VPS13B: variants seen among roughly 807,000 people sequenced by gnomAD.
The protein encoded by VPS13B is intermembrane lipid transfer protein VPS13B.
A neutral mutation model predicts 426.4 loss-of-function variants in VPS13B; 285 were observed. The ratio of observed to expected loss-of-function variants is 0.67; its 90% CI spans 0.61 to 0.74. The LOEUF (loss-of-function observed/expected upper bound fraction) is 0.74. VPS13B is among the 30% of genes least tolerant of loss of function. The probability of loss-of-function intolerance (pLI) is 0.00; values close to 1 mark genes in which losing one functional copy is unlikely to be tolerated. For synonymous variants in VPS13B, 1,676 were observed against 1,676.4 expected, an observed-to-expected ratio of 1.00 and a Z score of 0.01; for missense variants, 4,537 against 4,782.6, an observed-to-expected ratio of 0.95 and a Z score of 1.51.
chr8:99,576,680 AC>A (rs1825790629), intron 32 of VPS13B, among the ~76,000 whole-genome samples: 1 of 152,158 alleles, frequency 6.6e-6, no homozygotes, highest in South Asian at 2.1e-4. Context: ...GTCCACATGC[AC>A]ATCATGACAA....
At chr8:99,501,976 T>TA in intron 26 of VPS13B, 118 bp downstream of exon 26, 1 of 1,203,530 alleles carries the variant, frequency 8.3e-7, no homozygotes, top group South Asian at 1.3e-5. Context: ...TGTCTGTCTT[T>TA]CCGTCTGTCT....
At chr8:99,467,769 G>A in intron 24 of VPS13B, 135 bp downstream of exon 24, 1 of 935,634 alleles carries the variant, frequency 1.1e-6, no homozygotes, top group Non-Finnish European at 1.6e-6. Flanking sequence ...GATCAGGGTG[G>A]TTAGATTAAG....
Position 99,147,983 on chromosome 8 carries a change from T to C in VPS13B, c.1986T>C (p.His662=). Residue 662 remains histidine (H), a synonymous_variant, in exon 14 of 62, where the codon CAT becomes CAC. Coordinates refer to ENST00000357162, the MANE Select transcript of VPS13B (RefSeq NM_152564.5). ...TGGCTGAATTCAACTTGCTGGACCA[T>C]TTACTACCTGTCATTATGGGAGAAA... ...ISMAEFNLLD[H]LLPVIMGEKN... The C allele has an allele frequency of 6.2e-7, 1 of 1,613,546 alleles. No homozygotes were observed. The highest frequency in any genetic ancestry group is 8.5e-7 in the Non-Finnish European group (1 of 1,179,686).
intron 19 of VPS13B, among the ~76,000 whole-genome samples, chr8:99,337,963 T>C (rs1811019795): frequency 6.6e-6 from 1 of 152,156 alleles, no homozygotes; most frequent in Non-Finnish European, 1.5e-5. Context: ...GAAAAGACTT[T>C]CCCCATTCAG....
intron 2 of VPS13B, among the ~76,000 whole-genome samples, chr8:99,032,515 C>G (rs1489442905): frequency 6.7e-6 from 1 of 148,198 alleles, no homozygotes; most frequent in Non-Finnish European, 1.5e-5. Flanking sequence ...TTTTGAATTA[C>G]TTTCTTTCTT....
At chr8:99,776,668 T>C (rs904869828) in intron 40 of VPS13B, 107 bp from the exon 41 acceptor site, 1 of 1,012,110 alleles carries the variant, frequency 9.9e-7, no homozygotes, top group Non-Finnish European at 1.5e-6. Context: ...ATATTGACTA[T>C]AGGATTTTCA....
At chr8:99,140,573 T>TTGC (rs10531362) in intron 12 of VPS13B, among the ~76,000 whole-genome samples, 1 of 149,942 alleles carries the variant, frequency 6.7e-6, no homozygotes, top group Non-Finnish European at 1.5e-5. Flanking sequence ...TCCTTTCTTC[T>TTGC]TGCTGCTGCT....
At chr8:99,475,964 A>G (rs958025792) in intron 24 of VPS13B, among the ~76,000 whole-genome samples, 9 of 152,254 alleles carry the variant, frequency 5.9e-5, no homozygotes, top group South Asian at 2.1e-4. Context: ...GAGTTACTCA[A>G]TAAATCCTCA....
At chr8:99,124,551 T>C (rs1848098494) in intron 8 of VPS13B, among the ~76,000 whole-genome samples, 1 of 152,022 alleles carries the variant, frequency 6.6e-6, no homozygotes, top group Admixed American at 6.6e-5. Context: ...AATAAACAAA[T>C]TGTGGTATAT....
chr8:99,204,583 T>C (rs1315495379), intron 17 of VPS13B, among the ~76,000 whole-genome samples: 3 of 152,118 alleles, frequency 2.0e-5, no homozygotes, highest in Non-Finnish European at 4.4e-5. Context: ...ATCTACAGAA[T>C]GGGAGAAAAT....
At position 99,240,366 on chromosome 8, in the gene VPS13B, A is replaced by G. The variant is rs531192751; in HGVS notation, c.2516-33832A>G. Among the ~76,000 whole-genome samples the G allele has an allele frequency of 7.2e-5, 11 of 152,310 alleles. No individual in the cohort carries two copies. The South Asian group carries it at 2.3e-3, about 32-fold the overall frequency. The stretch of plus-strand genomic sequence containing the variant: ...TAGCCATTTAATAATGTACTTGAGA[A>G]CTAAATATTTTAATAGTATTTCCTT... On this transcript the variant is annotated intron_variant, in intron 17 of 61. Coordinates refer to ENST00000357162, the MANE Select transcript of VPS13B (RefSeq NM_152564.5).
chr8:99,818,376 T>C, intron 45 of VPS13B, 75 bp from the exon 46 acceptor site: 2 of 1,373,718 alleles, frequency 1.5e-6, no homozygotes, highest in Non-Finnish European at 2.1e-6. Context: ...TCCAAACTGA[T>C]GTATCTGTGC....
intron 3 of VPS13B, among the ~76,000 whole-genome samples, 174 bp downstream of exon 3, chr8:99,038,740 G>A (rs547325427): frequency 8.0e-4 from 106 of 132,282 alleles, no homozygotes; most frequent in Middle Eastern, 4.8e-3. Context: ...AGGCTGGAGT[G>A]CAGTGGTGCG....
chr8:99,500,351 A>C (rs950048337), intron 25 of VPS13B, among the ~76,000 whole-genome samples: 1 of 152,174 alleles, frequency 6.6e-6, no homozygotes, highest in Non-Finnish European at 1.5e-5. Flanking sequence ...TGAGAATTCT[A>C]TAAGAATGTG....
intron 35 of VPS13B, among the ~76,000 whole-genome samples, chr8:99,683,929 G>A (rs563384167): frequency 6.6e-6 from 1 of 152,244 alleles, no homozygotes; most frequent in Admixed American, 6.5e-5. Context: ...GTTCTTAGGG[G>A]GAAAGCATTC....
chr8:99,344,305 T>C (rs898887127), intron 19 of VPS13B, among the ~76,000 whole-genome samples: 1 of 152,140 alleles, frequency 6.6e-6, no homozygotes, highest in African/African-American at 2.4e-5. Flanking sequence ...AAAAATCAAG[T>C]CAAAAATGGA....
At chr8:99,518,304 C>T (rs1822196025) in intron 29 of VPS13B, among the ~76,000 whole-genome samples, 1 of 152,126 alleles carries the variant, frequency 6.6e-6, no homozygotes, top group South Asian at 2.1e-4. Context: ...AGGACTGCTG[C>T]TTAATCAGAG....
chr8:99,303,289 C>T (rs922373023), intron 19 of VPS13B, among the ~76,000 whole-genome samples: 1 of 106,972 alleles, frequency 9.3e-6, no homozygotes, highest in Non-Finnish European at 2.0e-5. Flanking sequence ...AGGAAAACAA[C>T]TAGTTGAGAA....
intron 33 of VPS13B, among the ~76,000 whole-genome samples, chr8:99,601,881 A>G (rs992002134): frequency 3.9e-5 from 6 of 152,190 alleles, no homozygotes; most frequent in African/African-American, 1.4e-4. Context: ...AGTTCTTTGT[A>G]GATTCTAGAT....
Sources: gnomAD v4.1 joint callset for allele counts (sites outside exome capture counted in the v4.1 genomes callset) on GRCh38, gnomAD v4.1.1 for gene constraint, MANE v1.5 for transcripts, NCBI Gene and HGNC (gene_info 2026-07-23, HGNC 2026-07-21) for gene names.